The following RSRC2 variants were observed in gnomAD, a reference collection of about 807,000 sequenced individuals.
RSRC2 encodes the protein arginine/serine-rich coiled-coil protein 2.
In RSRC2, 5 loss-of-function variants were observed where a neutral mutation model predicts 61.3. That is an observed-to-expected ratio of 0.08 (90% CI 0.04 to 0.17). The LOEUF is 0.17. Ranked by LOEUF, RSRC2 falls within the 10% of genes least tolerant of loss-of-function variation. The probability of loss-of-function intolerance (pLI) is 1.00; values close to 1 mark genes in which losing one functional copy is unlikely to be tolerated. For synonymous variants in RSRC2, 202 were observed against 166.5 expected (o/e 1.21, Z -1.64); for missense variants, 381 against 518.8 (o/e 0.73, Z 2.58).
At chr12:122,522,638 G>A (rs370037940) in intron 1 of RSRC2, among the ~76,000 whole-genome samples, 2 of 152,274 alleles carry the variant, frequency 1.3e-5, no homozygotes, top group South Asian at 4.1e-4. Context: ...GTCCTTTTTA[G>A]ATGTGTGAAT....
chr12:122,506,630 C>G (rs1214023641), intron 9 of RSRC2: 1 of 501,462 alleles, frequency 2.0e-6, no homozygotes, highest in African/African-American at 2.0e-5. Flanking sequence ...CTCTCTCTCT[C>G]CAAGTGTGTG....
chr12:122,517,360 A>G lies in RSRC2; in HGVS notation c.469T>C (p.Ser157Pro). 2 of 1,613,810 alleles carry G rather than the reference A, an allele frequency of 1.2e-6. No homozygotes were observed. The highest frequency in any genetic ancestry group is 1.7e-6 in the Non-Finnish European group (2 of 1,179,968). The change falls in exon 5 of 10, where the codon TCC (serine) becomes CCC (proline). Residue 157 changes from serine to proline, a missense_variant. By Grantham distance (74) the Ser-to-Pro change is moderately conservative. Around this residue, in one of 4 missense-constraint regions of RSRC2, gnomAD observed 266 missense variants for 270.5 expected, o/e 0.98. Coordinates refer to ENST00000331738, the MANE Select transcript of RSRC2 (RefSeq NM_023012.6). ...SRSRERKKSR[S>P]RSRERKKSRS... ...GATTTCTTCCTCTCTCTGCTTCTGG[A>G]TCTCGATTTCTTCCGCTCCCTACTC...
intron 3 of RSRC2, 167 bp downstream of exon 3, chr12:122,521,218 T>C: frequency 2.0e-6 from 1 of 494,766 alleles, no homozygotes. Context: ...CATAAACATC[T>C]TCTTCAAAAA....
intron 7 of RSRC2, among the ~76,000 whole-genome samples, chr12:122,509,310 C>T (rs561453269): frequency 1.7e-4 from 26 of 151,482 alleles, no homozygotes; most frequent in South Asian, 4.1e-4. Context: ...ATTAGCCAGG[C>T]GTGGTGGCAG....
Position 122,518,861 on chromosome 12 carries a change from A to G in RSRC2, c.376T>C (p.Ser126Pro). The stretch of plus-strand genomic sequence containing the variant: ...TACCTTTCACGAGACCTAGATCTTG[A>G]GTGACTTCTGCCTCTTGATGACTTT... Reference protein sequence around the residue: ...ERKSSRGRSHSRSRSRERRHR... With the variant: ...ERKSSRGRSHPRSRSRERRHR... The change falls in exon 4 of 10, where the codon TCA (serine) becomes CCA (proline). Residue 126 changes from serine (S) to proline (P), a missense_variant. Physicochemically the swap from Ser to Pro is moderately conservative, Grantham distance 74 (BLOSUM62 -1). This residue lies in a region of RSRC2 where 266 missense variants were observed against 270.5 expected (regional missense o/e 0.98). Transcript: ENST00000331738. The G allele has an allele frequency of 6.2e-7, 1 of 1,613,996 alleles. No homozygotes were observed. Among genetic ancestry groups the G allele is most frequent in the Non-Finnish European group, 8.5e-7 (1 of 1,179,896 alleles).
intron 6 of RSRC2, chr12:122,514,741 G>T (rs1448515599): frequency 1.7e-6 from 2 of 1,144,696 alleles, no homozygotes; most frequent in Non-Finnish European, 2.3e-6. Context: ...ATTTGAGGGA[G>T]AAAAACAAAA....
chr12:122,511,620 T>C (rs1958517562), intron 6 of RSRC2, among the ~76,000 whole-genome samples: 1 of 152,206 alleles, frequency 6.6e-6, no homozygotes, highest in Non-Finnish European at 1.5e-5. Context: ...TGTACAGACC[T>C]TAGTAAAGTC....
At chr12:122,507,473 A>G (rs1419841377) in intron 8 of RSRC2, among the ~76,000 whole-genome samples, 1 of 151,282 alleles carries the variant, frequency 6.6e-6, no homozygotes, top group African/African-American at 2.5e-5. Context: ...TGTCATTTGC[A>G]TTTAATGTCA....
In RSRC2 at chr12:122,505,009, AAAAC is replaced by A. The variant is rs1209140515; in HGVS notation, c.*514_*517del. ...AATTGCCAAATGCTACAGAAACTAT[AAAAC>A]AAATTCAAAGAAACATCCCAGGTAA... On this transcript the variant is annotated 3_prime_UTR_variant, in exon 10 of 10. Coordinates refer to ENST00000331738, the MANE Select transcript of RSRC2 (RefSeq NM_023012.6). The A allele has an allele frequency of 6.6e-6, 1 of 152,670 alleles. No individual in the cohort carries two copies. Among genetic ancestry groups the A allele is most frequent in the Admixed American group, 6.5e-5 (1 of 15,272 alleles). 9.5% of individuals were successfully genotyped at this position (152,670 alleles called of 1,614,324 possible).
intron 9 of RSRC2, 147 bp from the exon 10 acceptor site, chr12:122,505,853 A>T: frequency 1.6e-6 from 1 of 639,988 alleles, no homozygotes; most frequent in Non-Finnish European, 2.6e-6. Context: ...ATCTCGGCTC[A>T]CTGCAACCTC....
rs768503281 is a variant in RSRC2 at position 122,505,614 on chromosome 12, C to G, written c.1218G>C (p.Gln406His). 6.2e-7 allele frequency: 1 copy of G among 1,614,106 alleles called. No individual in the cohort carries two copies. Among genetic ancestry groups the G allele is most frequent in the Admixed American group, 1.7e-5 (1 of 60,006 alleles). The change falls in exon 10 of 10, where the codon CAG becomes CAC. Residue 406 changes from glutamine (Q) to histidine (H), a missense_variant. By Grantham distance (24) the Gln-to-His change is conservative. Transcript: ENST00000331738. ...GGGTTTGTGATCTTGCCATTTCATA[C>G]TGAGCATCTAAATTTCGAAATACTT... ...QEEVFRNLDA[Q>H]YEMARSQTHT...
chr12:122,514,939 G>T, intron 6 of RSRC2, 166 bp downstream of exon 6: 1 of 786,864 alleles, frequency 1.3e-6, no homozygotes, highest in Non-Finnish European at 1.9e-6. Flanking sequence ...TTGTGCAAAT[G>T]TTTAGGATGA....
intron 2 of RSRC2, among the ~76,000 whole-genome samples, chr12:122,521,937 G>A (rs575698546): frequency 3.3e-5 from 5 of 152,328 alleles, no homozygotes; most frequent in African/African-American, 1.2e-4. Context: ...GCAGATGGAG[G>A]TTGCATTGGG....
At chr12:122,511,346 A>G (rs1031264737) in intron 6 of RSRC2, among the ~76,000 whole-genome samples, 158 bp from the exon 7 acceptor site, 2 of 152,216 alleles carry the variant, frequency 1.3e-5, no homozygotes, top group Non-Finnish European at 2.9e-5. Flanking sequence ...AAAAGCAATC[A>G]TTCTTAAGAT....
intron 1 of RSRC2, among the ~76,000 whole-genome samples, chr12:122,525,583 T>A (rs1960063328): frequency 6.6e-6 from 1 of 152,160 alleles, no homozygotes; most frequent in Non-Finnish European, 1.5e-5. Context: ...TTTAAAACTA[T>A]CACTATGTTT....
rs370251898 is a variant in RSRC2, at chr12:122,521,466, G to A, written c.164-38C>T. On this transcript the variant is annotated intron_variant, in intron 2 of 9. Transcript: ENST00000331738. ...AAAAAAAATAATCACCATAAACAAA[G>A]TTGGAGAAACATTTCATCTTAAAAA... 828 of 1,561,798 alleles carry A rather than the reference G, an allele frequency of 5.3e-4. 1 individual carries two copies. Among genetic ancestry groups the A allele is most frequent in the Middle Eastern group, 3.2e-3 (19 of 5,860 alleles).
intron 6 of RSRC2, chr12:122,514,662 T>A (rs984133245): frequency 8.9e-6 from 10 of 1,122,378 alleles, no homozygotes; most frequent in Middle Eastern, 2.6e-4. Flanking sequence ...TAATGTATTA[T>A]CTGTTAATTG....
At chr12:122,517,546 T>C in intron 4 of RSRC2, 116 bp from the exon 5 acceptor site, 1 of 1,194,966 alleles carries the variant, frequency 8.4e-7, no homozygotes, top group Non-Finnish European at 1.2e-6. Flanking sequence ...AACTGCACTA[T>C]ATTATTTACA....
intron 3 of RSRC2, chr12:122,519,529 CT>C: frequency 6.4e-6 from 1 of 156,324 alleles, no homozygotes. Flanking sequence ...TGCAGTGTCC[CT>C]TTTACAGTTA....
Sources: gnomAD v4.1 joint callset for allele counts (sites outside exome capture counted in the v4.1 genomes callset) on GRCh38, gnomAD v4.1.1 for gene constraint, gnomAD v4.1.1 regional missense constraint, MANE v1.5 for transcripts, NCBI Gene and HGNC (gene_info 2026-07-23, HGNC 2026-07-21) for gene names.